The following BLACAT1 variants were observed in gnomAD, a reference collection of about 807,000 sequenced individuals.
BLACAT1 encodes the protein bladder cancer associated transcript 1.
downstream of BLACAT1, among the ~76,000 whole-genome samples, chr1:205,438,313 G>A (rs1395131510): frequency 6.6e-6 from 1 of 152,184 alleles, no homozygotes; most frequent in Non-Finnish European, 1.5e-5. Context: ...CTCACCCCAA[G>A]AGCTCAGGGC....
intron 1 of BLACAT1, among the ~76,000 whole-genome samples, chr1:205,446,298 G>A (rs1233405687): frequency 6.6e-6 from 1 of 152,238 alleles, no homozygotes; most frequent in Non-Finnish European, 1.5e-5. Context: ...CCCAGCCCCA[G>A]CAAAGCGAGG....
At chr1:205,443,419 G>GC (rs1666330395) in intron 1 of BLACAT1, among the ~76,000 whole-genome samples, 1 of 152,102 alleles carries the variant, frequency 6.6e-6, no homozygotes, top group Non-Finnish European at 1.5e-5. Context: ...GAAAATCCTG[G>GC]CTTTTTTTGC....
At chr1:205,439,757 T>C (rs4951222), downstream of BLACAT1, among the ~76,000 whole-genome samples, 133,662 of 152,146 alleles carry the variant, frequency 0.88, 59,693 homozygotes, top group East Asian at 0.99. Flanking sequence ...GCCTGAAGCA[T>C]CTCTGCTGCT....
exon 2 of BLACAT1, among the ~76,000 whole-genome samples, chr1:205,440,346 C>T (rs1238101412): frequency 6.6e-6 from 1 of 152,234 alleles, no homozygotes; most frequent in Non-Finnish European, 1.5e-5. Context: ...TTCCTCCTCA[C>T]TGGGCTGGCC....
In BLACAT1 at chr1:205,441,224, C is replaced by A. The variant is rs1380740159; in HGVS notation, c.-36-162G>T. 6.6e-6 allele frequency among the ~76,000 whole-genome samples: 1 copy of A among 152,136 alleles called. No individual in the cohort carries two copies. The highest frequency in any genetic ancestry group is 1.5e-5 in the Non-Finnish European group (1 of 68,028). On this transcript the variant is annotated intron_variant, in intron 1 of 1. Transcript: ENST00000629624. This position sits in a 1 kb window ranked among gnomAD's most constrained non-coding sequence, Gnocchi z 4.3. ...CACACCGGCTGGGGGAGGAGTCAAG[C>A]CTCTAAACAACAGCTCTTTGAAACC...
At chr1:205,440,581 G>A (rs889179266) in exon 2 of BLACAT1, 1 of 152,286 alleles carries the variant, frequency 6.6e-6, no homozygotes, top group Non-Finnish European at 1.5e-5. Flanking sequence ...ACCCTGAGAA[G>A]AGTCCCCCGA....
At chr1:205,447,056 C>A (rs993160430) in intron 1 of BLACAT1, among the ~76,000 whole-genome samples, 6 of 152,260 alleles carry the variant, frequency 3.9e-5, no homozygotes, top group African/African-American at 1.4e-4. Context: ...AACCTCCCGT[C>A]TGGGTACAGC....
intron 1 of BLACAT1, among the ~76,000 whole-genome samples, chr1:205,453,755 G>C (rs1426711269): frequency 1.3e-5 from 2 of 152,174 alleles, no homozygotes; most frequent in East Asian, 3.8e-4. Flanking sequence ...CTGTGGGAGG[G>C]AGGACACAGG....
Position 205,448,322 on chromosome 1 carries a change from G to A in BLACAT1, c.-36-7260C>T, listed in dbSNP as rs761833801. On this transcript the variant is annotated intron_variant, in intron 1 of 1. Coordinates refer to ENST00000629624, the Ensembl canonical transcript of BLACAT1. The surrounding 1 kb of genome is among the most constrained non-coding windows in gnomAD (Gnocchi z 4.7). ...GAGAAGGAGCTCGCCCCTCACTGTA[G>A]CCCATGGCTTTTAGCCCTACATGAG... 1 of 533,472 alleles carries A rather than the reference G, an allele frequency of 1.9e-6. No individual in the cohort carries two copies. The highest frequency in any genetic ancestry group is 5.5e-5 in the East Asian group (1 of 18,316). 33.0% of individuals were successfully genotyped at this position (533,472 alleles called of 1,614,324 possible).
At chr1:205,440,569 T>G (rs1373041076) in exon 2 of BLACAT1, 1 of 152,278 alleles carries the variant, frequency 6.6e-6, no homozygotes, top group Non-Finnish European at 1.5e-5. Context: ...CCTCATGCGG[T>G]TACCCTGAGA....
intron 1 of BLACAT1, chr1:205,449,823 C>G (rs1666463971): frequency 6.6e-6 from 1 of 152,512 alleles, no homozygotes; most frequent in Non-Finnish European, 1.5e-5. Flanking sequence ...AGCTCCCTCC[C>G]AAGGGATGCT....
At chr1:205,437,473 T>A (rs1666228961), downstream of BLACAT1, 1 of 152,264 alleles carries the variant, frequency 6.6e-6, no homozygotes. Flanking sequence ...GAGGCAGAAC[T>A]GCAAGGAGTC....
In BLACAT1 at chr1:205,449,179, C is replaced by T. The variant is rs140912369; in HGVS notation, c.-37+6738G>A. 2.5e-3 allele frequency among the ~76,000 whole-genome samples: 381 copies of T among 152,296 alleles called. 1 individual carries two copies. The highest frequency in any genetic ancestry group is 8.1e-3 in the African/African-American group (335 of 41,548). The stretch of plus-strand genomic sequence containing the variant: ...CTCATTGGCAGGACATGGGGGTTAG[C>T]ACAGACATCTCTAGGACTGGATTGA... On this transcript the variant is annotated intron_variant, in intron 1 of 1. Coordinates refer to ENST00000629624, the Ensembl canonical transcript of BLACAT1.
intron 1 of BLACAT1, among the ~76,000 whole-genome samples, chr1:205,446,931 C>T (rs570316874): frequency 1.3e-5 from 2 of 152,330 alleles, no homozygotes; most frequent in South Asian, 2.1e-4. Context: ...TCTGATCCCC[C>T]CGCTCCCCCC....
downstream of BLACAT1, chr1:205,436,689 G>C (rs544560560): frequency 5.3e-5 from 8 of 152,312 alleles, no homozygotes; most frequent in South Asian, 1.0e-3. Flanking sequence ...TCTGTTTCTT[G>C]GTTCTTGTGG....
chr1:205,441,775 T>C lies in BLACAT1; in HGVS notation c.-36-713A>G, dbSNP rs915446231. The stretch of plus-strand genomic sequence containing the variant: ...GCTGGGCAAAGGGTTGAGAGGTAGA[T>C]ACAAAAGGGTAAAGACATGGTTTCT... On this transcript the variant is annotated intron_variant, in intron 1 of 1. Transcript: ENST00000629624. The surrounding 1 kb of genome is among the most constrained non-coding windows in gnomAD (Gnocchi z 4.3). 2.6e-5 allele frequency among the ~76,000 whole-genome samples: 4 copies of C among 152,176 alleles called. No homozygotes were observed. Among genetic ancestry groups the C allele is most frequent in the Admixed American group, 2.6e-4 (4 of 15,278 alleles).
At chr1:205,446,017 C>T (rs976115937) in intron 1 of BLACAT1, among the ~76,000 whole-genome samples, 3 of 152,114 alleles carry the variant, frequency 2.0e-5, no homozygotes, top group Non-Finnish European at 4.4e-5. Flanking sequence ...AGGCCTTATG[C>T]TGGGTATATC....
chr1:205,450,749 A>ATC lies in BLACAT1; in HGVS notation c.-37+5166_-37+5167dup, dbSNP rs1175528645. 6.6e-6 allele frequency among the ~76,000 whole-genome samples: 1 copy of ATC among 152,194 alleles called. No homozygotes were observed. The highest frequency in any genetic ancestry group is 1.5e-5 in the Non-Finnish European group (1 of 68,036). Reference sequence around the variant, plus strand: ...CCCAAGTAAGCTGTGGAAGTAGGGCATCTCTCTCTAAGGTGTGTCTGGGCC... The same window carrying ATC: ...CCCAAGTAAGCTGTGGAAGTAGGGCATCTCTCTCTCTAAGGTGTGTCTGGGCC... On this transcript the variant is annotated intron_variant, in intron 1 of 1. Coordinates refer to ENST00000629624, the Ensembl canonical transcript of BLACAT1. The surrounding 1 kb of genome is among the most constrained non-coding windows in gnomAD (Gnocchi z 4.4).
chr1:205,440,241 A>G (rs1015209913), exon 2 of BLACAT1, among the ~76,000 whole-genome samples: 5 of 152,180 alleles, frequency 3.3e-5, no homozygotes, highest in African/African-American at 9.7e-5. Flanking sequence ...CACAGGCATC[A>G]TGAACACGGG....
Sources: gnomAD v4.1 joint callset for allele counts (sites outside exome capture counted in the v4.1 genomes callset) on GRCh38, gnomAD v4.1.1 for gene constraint, Gnocchi (gnomAD v3.1) non-coding constraint, MANE v1.5 for transcripts, NCBI Gene and HGNC (gene_info 2026-07-23, HGNC 2026-07-21) for gene names.